The following COLGALT2 variants were observed in gnomAD, a reference collection of about 807,000 sequenced individuals.
The protein encoded by COLGALT2 is procollagen galactosyltransferase 2.
COLGALT2 carries 49 observed loss-of-function variants against 73.4 expected under a neutral mutation model. The ratio of observed to expected loss-of-function variants is 0.67; its 90% CI spans 0.53 to 0.85. COLGALT2 has a LOEUF of 0.85. COLGALT2 is among the 40% of genes least tolerant of loss of function. The pLI is 0.00. For synonymous variants in COLGALT2, 295 were observed against 307.6 expected, an observed-to-expected ratio of 0.96 and a Z score of 0.43; for missense variants, 722 against 790.2, an observed-to-expected ratio of 0.91 and a Z score of 1.03.
chr1:184,029,694 T>A (rs957621682), intron 1 of COLGALT2, among the ~76,000 whole-genome samples: 2 of 152,224 alleles, frequency 1.3e-5, no homozygotes, highest in African/African-American at 4.8e-5. Flanking sequence ...ATATTACACC[T>A]CATCAAAAAG....
At chr1:184,021,796 C>T (rs1649190245) in intron 1 of COLGALT2, among the ~76,000 whole-genome samples, 1 of 152,204 alleles carries the variant, frequency 6.6e-6, no homozygotes, top group African/African-American at 2.4e-5. Flanking sequence ...GAATGTGCAG[C>T]ACTCAAGCTC....
intron 1 of COLGALT2, among the ~76,000 whole-genome samples, chr1:184,005,893 G>A (rs929114914): frequency 1.3e-5 from 2 of 152,114 alleles, no homozygotes; most frequent in African/African-American, 4.8e-5. Context: ...AACAGGACCC[G>A]GTGGCAAATT....
At chr1:183,972,451 T>C (rs1318664837) in intron 4 of COLGALT2, among the ~76,000 whole-genome samples, 1 of 152,186 alleles carries the variant, frequency 6.6e-6, no homozygotes, top group Non-Finnish European at 1.5e-5. Context: ...TTGATACATA[T>C]TACATTAATC....
intron 1 of COLGALT2, among the ~76,000 whole-genome samples, chr1:184,017,482 A>T (rs1469800855): frequency 3.3e-5 from 5 of 152,156 alleles, no homozygotes; most frequent in Non-Finnish European, 5.9e-5. Context: ...GTGAACCACA[A>T]GAGTAATAAC....
intron 1 of COLGALT2, among the ~76,000 whole-genome samples, chr1:184,018,552 C>A (rs1197368968): frequency 2.6e-5 from 4 of 152,086 alleles, no homozygotes; most frequent in Non-Finnish European, 4.4e-5. Context: ...CAAATCTTAA[C>A]AATAATTTTA....
intron 3 of COLGALT2, among the ~76,000 whole-genome samples, chr1:183,974,157 G>C (rs1317833454): frequency 1.3e-5 from 2 of 152,206 alleles, no homozygotes; most frequent in Non-Finnish European, 2.9e-5. Context: ...AGTAATGCCA[G>C]AGTAGCTCAA....
intron 10 of COLGALT2, among the ~76,000 whole-genome samples, chr1:183,942,576 T>A (rs967598776): frequency 6.6e-6 from 1 of 152,246 alleles, no homozygotes. Context: ...TATTCTTCCC[T>A]TTTATTATTT....
chr1:183,940,828 A>G, intron 10 of COLGALT2, 41 bp from the exon 11 acceptor site: 1 of 1,524,140 alleles, frequency 6.6e-7, no homozygotes, highest in Non-Finnish European at 9.1e-7. Flanking sequence ...CACCTTGACT[A>G]TTATGCCATG....
chr1:183,951,431 G>A (rs1262129244), intron 7 of COLGALT2, among the ~76,000 whole-genome samples: 1 of 152,064 alleles, frequency 6.6e-6, no homozygotes, highest in African/African-American at 2.4e-5. Flanking sequence ...AGGACAATAC[G>A]ATCCTATGTT....
intron 1 of COLGALT2, among the ~76,000 whole-genome samples, chr1:184,030,295 T>C (rs1183496280): frequency 6.6e-6 from 1 of 152,236 alleles, no homozygotes; most frequent in South Asian, 2.1e-4. Context: ...ACATACGTTT[T>C]GTAATTCCTG....
At chr1:183,996,704 G>C (rs985416088) in intron 1 of COLGALT2, among the ~76,000 whole-genome samples, 3 of 152,194 alleles carry the variant, frequency 2.0e-5, no homozygotes, top group Non-Finnish European at 4.4e-5. Context: ...GGGCAAGGGT[G>C]CTAACTGGAG....
chr1:184,020,905 TTCTC>T (rs1178067155), intron 1 of COLGALT2, among the ~76,000 whole-genome samples: 2 of 152,098 alleles, frequency 1.3e-5, no homozygotes, highest in Non-Finnish European at 2.9e-5. Flanking sequence ...AAGCCTTAGT[TTCTC>T]TCTATGTGGG....
chr1:183,987,013 T>C (rs1321243332), intron 1 of COLGALT2, among the ~76,000 whole-genome samples: 2 of 152,124 alleles, frequency 1.3e-5, no homozygotes, highest in African/African-American at 2.4e-5. Flanking sequence ...ATGACCAATA[T>C]GATCATCTCA....
chr1:183,978,077 A>C (rs1671254936), intron 2 of COLGALT2, among the ~76,000 whole-genome samples: 2 of 152,180 alleles, frequency 1.3e-5, no homozygotes, highest in African/African-American at 4.8e-5. Flanking sequence ...CTCTATGTAG[A>C]AAGTATACAC....
At chr1:183,942,010 G>A (rs1670127357) in intron 10 of COLGALT2, among the ~76,000 whole-genome samples, 1 of 150,908 alleles carries the variant, frequency 6.6e-6, no homozygotes, top group African/African-American at 2.4e-5. Context: ...GTGCAGTGGT[G>A]CAATCTGAGC....
At chr1:183,969,752 T>G (rs1196295964) in intron 4 of COLGALT2, among the ~76,000 whole-genome samples, 3 of 152,222 alleles carry the variant, frequency 2.0e-5, no homozygotes, top group Non-Finnish European at 4.4e-5. Flanking sequence ...TATTTTATGT[T>G]GACTTATGAT....
At chr1:183,997,305 G>A (rs903605136) in intron 1 of COLGALT2, among the ~76,000 whole-genome samples, 9 of 152,020 alleles carry the variant, frequency 5.9e-5, no homozygotes, top group African/African-American at 1.7e-4. Flanking sequence ...TTATATAGAC[G>A]TTTAAGAGAA....
intron 6 of COLGALT2, among the ~76,000 whole-genome samples, chr1:183,955,704 G>T (rs1263041094): frequency 6.7e-6 from 1 of 149,622 alleles, no homozygotes; most frequent in Non-Finnish European, 1.5e-5. Context: ...AGAATGTTTA[G>T]TATTATACAA....
intron 6 of COLGALT2, among the ~76,000 whole-genome samples, chr1:183,962,576 G>C (rs1191345880): frequency 6.6e-6 from 1 of 151,952 alleles, no homozygotes; most frequent in East Asian, 1.9e-4. Context: ...CCTCCCTTTT[G>C]CTCATCTACC....
Sources: allele counts gnomAD v4.1 joint callset (sites outside exome capture counted in the v4.1 genomes callset), GRCh38; gene constraint gnomAD v4.1.1; transcripts MANE v1.5; gene names NCBI Gene and HGNC (gene_info 2026-07-23, HGNC 2026-07-21).